The following ANAPC16 variants were observed in gnomAD, a reference collection of about 807,000 sequenced individuals.
The protein encoded by ANAPC16 is anaphase-promoting complex subunit 16.
ANAPC16 carries 6 observed loss-of-function variants against 13.1 expected under a neutral mutation model. The ratio of observed to expected loss-of-function variants is 0.46; its 90% CI spans 0.25 to 0.90. ANAPC16 has a LOEUF of 0.90. ANAPC16 is among the 40% of genes least tolerant of loss of function. The probability of loss-of-function intolerance (pLI) is 0.18; values close to 1 mark genes in which losing one functional copy is unlikely to be tolerated. For missense variants in ANAPC16, 113 were observed against 131.1 expected, an observed-to-expected ratio of 0.86 and a Z score of 0.67; for synonymous variants, 55 against 51.3, an observed-to-expected ratio of 1.07 and a Z score of -0.31.
chr10:72,225,129 C>T (rs775458900), intron 2 of ANAPC16, among the ~76,000 whole-genome samples: 4 of 151,928 alleles, frequency 2.6e-5, no homozygotes, highest in East Asian at 1.9e-4. Context: ...ACTAAAAATA[C>T]AAAAACTAGC....
At chr10:72,216,722 G>C (rs1859416672) in intron 1 of ANAPC16, 3 of 424,820 alleles carry the variant, frequency 7.1e-6, no homozygotes, top group Non-Finnish European at 9.5e-6. Flanking sequence ...TGCCGTACAT[G>C]AAGTAAATGT....
chr10:72,230,349 TCTC>T lies in ANAPC16; in HGVS notation c.143-14_143-12del, dbSNP rs758003966. On this transcript the variant is annotated splice_polypyrimidine_tract_variant and intron_variant, in intron 2 of 3. Transcript: ENST00000299381. Reference sequence around the variant, plus strand: ...ACCTTTAGAGCAGATTAAAACCTTTTCTCCTTTTGTTTGTAGATGGCTCTGAGA... The same window carrying T: ...ACCTTTAGAGCAGATTAAAACCTTTTCTTTTGTTTGTAGATGGCTCTGAGA... 13 of 1,611,054 alleles carry T rather than the reference TCTC, an allele frequency of 8.1e-6. No homozygotes were observed. In the African/African-American group the frequency reaches 1.7e-4, roughly 21 times the overall value.
At chr10:72,227,071 A>G (rs1860144831) in intron 2 of ANAPC16, among the ~76,000 whole-genome samples, 1 of 152,216 alleles carries the variant, frequency 6.6e-6, no homozygotes, top group South Asian at 2.1e-4. Flanking sequence ...CCACAAAACA[A>G]ATCAAAAATG....
intron 1 of ANAPC16, among the ~76,000 whole-genome samples, chr10:72,221,726 ATT>A (rs58310763): frequency 9.9e-4 from 100 of 101,056 alleles, no homozygotes; most frequent in East Asian, 3.2e-3. Context: ...ACCCAGCTAA[ATT>A]TTTTTTTTTT....
At chr10:72,222,742 A>C (rs1187380798) in intron 1 of ANAPC16, among the ~76,000 whole-genome samples, 1 of 152,218 alleles carries the variant, frequency 6.6e-6, no homozygotes, top group East Asian at 1.9e-4. Context: ...ATGCCACTGC[A>C]CTCTAGCGTG....
intron 2 of ANAPC16, among the ~76,000 whole-genome samples, chr10:72,225,853 AT>A (rs1478304676): frequency 2.6e-5 from 4 of 151,368 alleles, no homozygotes; most frequent in African/African-American, 7.3e-5. Context: ...GTGAGCAGAT[AT>A]CATGCCACTG....
At chr10:72,228,544 A>G (rs1356496223) in intron 2 of ANAPC16, among the ~76,000 whole-genome samples, 4 of 152,178 alleles carry the variant, frequency 2.6e-5, no homozygotes, top group Non-Finnish European at 5.9e-5. Flanking sequence ...TGTCCCTGAC[A>G]AGGAAAGCTG....
intron 1 of ANAPC16, chr10:72,217,065 A>C: frequency 2.2e-6 from 1 of 454,008 alleles, no homozygotes; most frequent in South Asian, 1.6e-5. Context: ...CATTCATCCG[A>C]AATGCTCGGG....
In ANAPC16 at chr10:72,216,147, C is replaced by G. The variant is rs1859251282; in HGVS notation, c.-28+9C>G. 1.3e-5 allele frequency: 2 copies of G among 152,700 alleles called. No individual in the cohort carries two copies. Among genetic ancestry groups the G allele is most frequent in the African/African-American group, 4.8e-5 (2 of 41,450 alleles). 9.5% of individuals were successfully genotyped at this position (152,700 alleles called of 1,614,324 possible). The stretch of plus-strand genomic sequence containing the variant: ...GTGCTAAAGCCGCTGAGGTAAGAGG[C>G]CGAGGGGTCGAGGGCCCTCGGGAGC... On this transcript the variant is annotated intron_variant, in intron 1 of 3. Transcript: ENST00000299381.
At chr10:72,226,018 A>AT (rs376574019) in intron 2 of ANAPC16, among the ~76,000 whole-genome samples, 2,073 of 142,224 alleles carry the variant, frequency 0.015, 20 homozygotes, top group East Asian at 0.028. Flanking sequence ...AAGTGTTGCA[A>AT]TTTTTTTTTT....
chr10:72,223,238 G>A (rs1330066340), intron 1 of ANAPC16: 1 of 151,780 alleles, frequency 6.6e-6, no homozygotes. Context: ...AAATTTTTTT[G>A]TATTTTTAGT....
chr10:72,225,899 C>CAA (rs199593724), intron 2 of ANAPC16, among the ~76,000 whole-genome samples: 3 of 98,934 alleles, frequency 3.0e-5, no homozygotes, highest in South Asian at 3.1e-4. Context: ...GACTCTGTCT[C>CAA]AAAAAAAAAA....
At chr10:72,225,103 G>A (rs1382551419) in intron 2 of ANAPC16, among the ~76,000 whole-genome samples, 4 of 152,052 alleles carry the variant, frequency 2.6e-5, no homozygotes, top group African/African-American at 7.2e-5. Flanking sequence ...GCCCAACATG[G>A]TGAAACCCCA....
Position 72,219,331 on chromosome 10 carries a change from G to A in ANAPC16, c.-28+3193G>A, listed in dbSNP as rs151299067. ...GCTGTATTTTGACCCAGTGTAGTCCGGAAGATTGGATATTAATCTAACTCC... is the reference window on the plus strand; with the variant it reads ...GCTGTATTTTGACCCAGTGTAGTCCAGAAGATTGGATATTAATCTAACTCC... On this transcript the variant is annotated intron_variant, in intron 1 of 3. Coordinates refer to ENST00000299381, the MANE Select transcript of ANAPC16 (RefSeq NM_173473.4). Among the ~76,000 whole-genome samples the A allele has an allele frequency of 9.2e-5, 14 of 152,190 alleles. No individual in the cohort carries two copies. In the East Asian group the frequency reaches 1.7e-3, roughly 19 times the overall value.
intron 2 of ANAPC16, among the ~76,000 whole-genome samples, chr10:72,228,711 C>T (rs1344551777): frequency 6.6e-6 from 1 of 152,136 alleles, no homozygotes; most frequent in Admixed American, 6.5e-5. Flanking sequence ...TGGACTTGGA[C>T]GTTAATAGGG....
intron 1 of ANAPC16, chr10:72,223,047 A>G (rs576001683): frequency 2.0e-5 from 3 of 146,554 alleles, no homozygotes; most frequent in Non-Finnish European, 3.0e-5. Flanking sequence ...CCACCAAGTG[A>G]TAAGTTTGGG....
At chr10:72,232,885 T>C in intron 3 of ANAPC16, 116 bp from the exon 4 acceptor site, 1 of 808,584 alleles carries the variant, frequency 1.2e-6, no homozygotes, top group Non-Finnish European at 2.0e-6. Flanking sequence ...ATTATAGGCG[T>C]GATCCACCAC....
intron 1 of ANAPC16, among the ~76,000 whole-genome samples, chr10:72,218,168 ATATATATATATATATATATATATATAT>A (rs1859722733): frequency 2.5e-4 from 5 of 19,740 alleles, no homozygotes; most frequent in African/African-American, 8.3e-4. Flanking sequence ...AAAAAAAAAT[ATATATATATATATATATATATATATAT>A]ATATATATAT....
intron 2 of ANAPC16, among the ~76,000 whole-genome samples, chr10:72,229,741 AG>A (rs974939794): frequency 3.6e-4 from 55 of 152,286 alleles, no homozygotes; most frequent in African/African-American, 1.3e-3. Context: ...TCTTGTTGGC[AG>A]TTCTTGGCAC....
Sources: gnomAD v4.1 joint callset for allele counts (sites outside exome capture counted in the v4.1 genomes callset) on GRCh38, gnomAD v4.1.1 for gene constraint, MANE v1.5 for transcripts, NCBI Gene and HGNC (gene_info 2026-07-23, HGNC 2026-07-21) for gene names.